The following EYS variants were observed in gnomAD, a reference collection of about 807,000 sequenced individuals.
The protein encoded by EYS is protein eyes shut homolog.
EYS carries 250 observed loss-of-function variants against 282.1 expected under a neutral mutation model. The observed-to-expected ratio is 0.89, with a 90% CI of 0.80 to 0.98. The LOEUF is 0.98. EYS is among the 50% of genes least tolerant of loss of function. The pLI, the probability that EYS is intolerant of heterozygous loss-of-function variation, is 0.00. For missense variants in EYS, 4,016 were observed against 3,709.0 expected (o/e 1.08, Z -2.15); for synonymous variants, 1,355 against 1,282.9 (o/e 1.06, Z -1.20).
intron 30 of EYS, among the ~76,000 whole-genome samples, chr6:64,258,518 C>G (rs1185398542): frequency 1.3e-5 from 2 of 151,980 alleles, no homozygotes; most frequent in African/African-American, 4.8e-5. Context: ...AAAAGTGTGA[C>G]CCTTGAATCT....
intron 31 of EYS, among the ~76,000 whole-genome samples, chr6:64,179,846 A>G (rs1316128984): frequency 3.9e-5 from 6 of 152,100 alleles, no homozygotes; most frequent in Admixed American, 3.9e-4. Flanking sequence ...ATTTTTGTCT[A>G]CTTTGCACAT....
intron 14 of EYS, among the ~76,000 whole-genome samples, chr6:64,984,031 G>A (rs1014171545): frequency 8.6e-5 from 13 of 151,396 alleles, no homozygotes; most frequent in South Asian, 2.1e-4. Context: ...TTAGAATCCC[G>A]TCTGGAATTA....
chr6:63,751,320 A>C (rs1343751630), intron 41 of EYS, among the ~76,000 whole-genome samples: 2 of 152,202 alleles, frequency 1.3e-5, no homozygotes, highest in African/African-American at 4.8e-5. Context: ...TTAATAAAAA[A>C]CATTTTGACT....
Position 64,591,761 on chromosome 6 carries a change from G to A in EYS, c.4106C>T (p.Ser1369Leu), listed in dbSNP as rs769949135. 92 of 1,551,346 alleles carry A rather than the reference G, an allele frequency of 5.9e-5. 2 individuals are homozygous for A. The South Asian group carries it at 1.0e-3, about 17-fold the overall frequency. Residue 1369 changes from serine to leucine, a missense_variant, in exon 26 of 43, where the codon TCA becomes TTA. Ser to Leu is a moderately radical substitution (Grantham distance 145). Transcript: ENST00000503581. The stretch of plus-strand genomic sequence containing the variant: ...TGCTGAAGTTCGAATAGGCATATGT[G>A]ATACCGATGTTTTGTCCTGGACAAT... ...AQIVQDKTSVSHMPIRTSAAT... is the reference protein window; with the variant it reads ...AQIVQDKTSVLHMPIRTSAAT...
intron 12 of EYS, among the ~76,000 whole-genome samples, chr6:65,067,597 A>G (rs187398923): frequency 5.1e-4 from 78 of 152,208 alleles, no homozygotes; most frequent in African/African-American, 1.7e-3. Flanking sequence ...AAAAATTCTT[A>G]TACGTAATTA....
intron 30 of EYS, among the ~76,000 whole-genome samples, chr6:64,251,378 A>G (rs370269568): frequency 5.9e-5 from 9 of 152,264 alleles, no homozygotes; most frequent in African/African-American, 2.2e-4. Context: ...ATTATGGTAT[A>G]GCAGCATTGA....
At chr6:65,677,396 G>A (rs911628084) in intron 1 of EYS, among the ~76,000 whole-genome samples, 3 of 151,698 alleles carry the variant, frequency 2.0e-5, no homozygotes, top group African/African-American at 7.3e-5. Context: ...TCAACATATA[G>A]AATCAGTTGT....
intron 19 of EYS, among the ~76,000 whole-genome samples, chr6:64,849,232 T>G (rs879294567): frequency 6.6e-5 from 10 of 151,832 alleles, no homozygotes; most frequent in Non-Finnish European, 1.2e-4. Flanking sequence ...TGTTCATGTT[T>G]ACTGACTTTA....
chr6:63,877,483 C>A (rs1001984466), intron 35 of EYS, among the ~76,000 whole-genome samples: 1 of 151,904 alleles, frequency 6.6e-6, no homozygotes, highest in Non-Finnish European at 1.5e-5. Flanking sequence ...TTCTTTGTGG[C>A]GTTCTCTGTA....
chr6:64,258,165 T>C (rs1459739127), intron 30 of EYS, among the ~76,000 whole-genome samples: 1 of 152,066 alleles, frequency 6.6e-6, no homozygotes, highest in Non-Finnish European at 1.5e-5. Context: ...AAATGTTATA[T>C]GTGAAAGTAA....
In EYS at chr6:64,469,205, G is replaced by A. The variant is rs995804710; in HGVS notation, c.5645-29853C>T. Among the ~76,000 whole-genome samples, 7 of 152,102 alleles carry A rather than the reference G, an allele frequency of 4.6e-5. No homozygotes were observed. In the East Asian group the frequency reaches 9.7e-4, roughly 21 times the overall value. On this transcript the variant is annotated intron_variant, in intron 26 of 42. Coordinates refer to ENST00000503581, the MANE Select transcript of EYS (RefSeq NM_001142800.2). The stretch of plus-strand genomic sequence containing the variant: ...ACAGCCATTTTGACTGGTGTGAGAC[G>A]GTATCTTATTGTGATTTTGATTTGC...
At chr6:64,407,827 G>T (rs1023269704) in intron 28 of EYS, among the ~76,000 whole-genome samples, 1 of 152,026 alleles carries the variant, frequency 6.6e-6, no homozygotes, top group South Asian at 2.1e-4. Context: ...CGCCTCCTGG[G>T]TTCAAGTGAT....
At chr6:64,776,597 A>C (rs1478178832) in intron 22 of EYS, among the ~76,000 whole-genome samples, 2 of 152,038 alleles carry the variant, frequency 1.3e-5, no homozygotes, top group Admixed American at 1.3e-4. Context: ...TATCAGAAAT[A>C]TTAAGGCTAT....
At chr6:65,033,087 A>G (rs1344172950) in intron 13 of EYS, among the ~76,000 whole-genome samples, 1 of 152,158 alleles carries the variant, frequency 6.6e-6, no homozygotes, top group East Asian at 1.9e-4. Context: ...CAAGAGTGAT[A>G]ATTTAGAATA....
chr6:64,661,393 T>A (rs1223762448), intron 22 of EYS, among the ~76,000 whole-genome samples: 1 of 152,176 alleles, frequency 6.6e-6, no homozygotes, highest in Non-Finnish European at 1.5e-5. Flanking sequence ...AAATGGTATC[T>A]AATTAAACTA....
chr6:64,483,472 C>G (rs1199750933), intron 26 of EYS, among the ~76,000 whole-genome samples: 1 of 151,660 alleles, frequency 6.6e-6, no homozygotes, highest in Non-Finnish European at 1.5e-5. Context: ...TTAGCTCAAG[C>G]TTCTCTCTCA....
chr6:63,849,045 C>T (rs1772174440), intron 36 of EYS, among the ~76,000 whole-genome samples: 2 of 152,188 alleles, frequency 1.3e-5, no homozygotes, highest in African/African-American at 4.8e-5. Flanking sequence ...GCGGTTTTCC[C>T]CTCACAGTGT....
chr6:64,193,553 A>AC (rs1242170099), intron 31 of EYS, among the ~76,000 whole-genome samples: 2 of 151,938 alleles, frequency 1.3e-5, no homozygotes, highest in Non-Finnish European at 2.9e-5. Context: ...CACAACCTGC[A>AC]GGTTTGTTAC....
At chr6:65,075,999 A>G (rs768625689) in intron 12 of EYS, among the ~76,000 whole-genome samples, 5 of 151,982 alleles carry the variant, frequency 3.3e-5, no homozygotes, top group Non-Finnish European at 5.9e-5. Context: ...ACAGTAAATC[A>G]AGTTGGATTT....
Sources: allele counts gnomAD v4.1 joint callset (sites outside exome capture counted in the v4.1 genomes callset), GRCh38; gene constraint gnomAD v4.1.1; transcripts MANE v1.5; gene names NCBI Gene and HGNC (gene_info 2026-07-23, HGNC 2026-07-21).